PRKG1: variants seen among roughly 807,000 people sequenced by gnomAD.
PRKG1 encodes the protein cGMP-dependent protein kinase 1.
A neutral mutation model predicts 88.1 loss-of-function variants in PRKG1; 35 were observed. The ratio of observed to expected loss-of-function variants is 0.40; its 90% CI spans 0.30 to 0.53. The LOEUF (loss-of-function observed/expected upper bound fraction) is 0.53. Among genes scored for constraint, PRKG1 ranks in the 20% least tolerant of loss-of-function variants. The probability of loss-of-function intolerance (pLI) is 0.59; values close to 1 mark genes in which losing one functional copy is unlikely to be tolerated. For missense variants in PRKG1, 540 were observed against 839.8 expected, an observed-to-expected ratio of 0.64 and a Z score of 4.41; for synonymous variants, 303 against 292.5, an observed-to-expected ratio of 1.04 and a Z score of -0.37.
At position 52,122,035 on chromosome 10, in the gene PRKG1, G is replaced by A. The variant is rs191777664; in HGVS notation, c.936-11805G>A. 3.3e-5 allele frequency among the ~76,000 whole-genome samples: 5 copies of A among 152,318 alleles called. No homozygotes were observed. The East Asian group carries it at 9.6e-4, about 29-fold the overall frequency. ...GTGCAGCTATAACAGAATACCCGAA[G>A]TTGGGGAAACTGTAAAGAACAGAGA... On this transcript the variant is annotated intron_variant, in intron 7 of 17. Transcript: ENST00000373980.
At chr10:51,143,152 C>T (rs1845861628) in intron 1 of PRKG1, among the ~76,000 whole-genome samples, 1 of 152,030 alleles carries the variant, frequency 6.6e-6, no homozygotes, top group Non-Finnish European at 1.5e-5. Flanking sequence ...ACTATCCCAG[C>T]CTTTGGTAAC....
chr10:51,416,260 G>C (rs1170500693), intron 2 of PRKG1, among the ~76,000 whole-genome samples: 2 of 152,046 alleles, frequency 1.3e-5, no homozygotes, highest in East Asian at 3.9e-4. Flanking sequence ...ATTTTATCAT[G>C]GTGAAAATTA....
intron 3 of PRKG1, among the ~76,000 whole-genome samples, chr10:51,733,794 C>T (rs761561325): frequency 1.3e-5 from 2 of 151,976 alleles, no homozygotes; most frequent in Admixed American, 6.6e-5. Context: ...CTGCAATTGT[C>T]GCAATGAATA....
At chr10:51,827,615 A>G (rs10508959) in intron 4 of PRKG1, among the ~76,000 whole-genome samples, 1 of 151,932 alleles carries the variant, frequency 6.6e-6, no homozygotes, top group East Asian at 1.9e-4. Context: ...GGGAACTAAA[A>G]TTGAAGACCT....
chr10:51,155,362 C>A (rs1846180264), intron 2 of PRKG1, among the ~76,000 whole-genome samples: 1 of 151,956 alleles, frequency 6.6e-6, no homozygotes, highest in South Asian at 2.1e-4. Flanking sequence ...CATGCTTTTT[C>A]TAAATATTGT....
chr10:52,018,453 T>C (rs10740409), intron 5 of PRKG1, among the ~76,000 whole-genome samples: 65,291 of 151,998 alleles, frequency 0.43, 14,964 homozygotes, highest in East Asian at 0.6. Context: ...TCCACATAGA[T>C]GTTGTAGATT....
At chr10:51,719,150 A>AG (rs1841955018) in intron 3 of PRKG1, among the ~76,000 whole-genome samples, 2 of 115,878 alleles carry the variant, frequency 1.7e-5, no homozygotes, top group Non-Finnish European at 4.0e-5. Flanking sequence ...ATCCTGTCTC[A>AG]AAAAAAAGAG....
intron 2 of PRKG1, among the ~76,000 whole-genome samples, chr10:51,399,358 T>C (rs1010886108): frequency 6.6e-6 from 1 of 152,174 alleles, no homozygotes; most frequent in Non-Finnish European, 1.5e-5. Flanking sequence ...GAATACAGCA[T>C]GCTGCCTGTC....
chr10:51,809,454 G>T (rs1316326798), intron 4 of PRKG1, among the ~76,000 whole-genome samples: 1 of 152,180 alleles, frequency 6.6e-6, no homozygotes, highest in East Asian at 1.9e-4. Context: ...AACTGCCAGA[G>T]TTAATTTGTG....
intron 3 of PRKG1, among the ~76,000 whole-genome samples, chr10:51,512,194 T>G (rs374742064): frequency 1.9e-4 from 23 of 123,626 alleles, no homozygotes; most frequent in African/African-American, 7.9e-4. Flanking sequence ...TTTTTTTTAG[T>G]TTTTTTTTTT....
chr10:51,036,945 A>T (rs1843360583), intron 1 of PRKG1, among the ~76,000 whole-genome samples: 1 of 152,192 alleles, frequency 6.6e-6, no homozygotes. Flanking sequence ...GAGAGGATGA[A>T]TTCTCTGGTT....
At chr10:51,639,436 C>CAAAAAAAAA (rs769304908) in intron 3 of PRKG1, among the ~76,000 whole-genome samples, 9 of 31,792 alleles carry the variant, frequency 2.8e-4, no homozygotes, top group African/African-American at 1.1e-3. Context: ...GACTCCATCT[C>CAAAAAAAAA]AAAAAAAAAA....
intron 5 of PRKG1, among the ~76,000 whole-genome samples, chr10:51,919,328 G>T (rs1292633270): frequency 1.3e-5 from 2 of 152,108 alleles, no homozygotes; most frequent in Non-Finnish European, 2.9e-5. Context: ...TAGGGAGATG[G>T]CAGTTGTTGT....
intron 1 of PRKG1, among the ~76,000 whole-genome samples, chr10:51,143,979 T>A (rs1845882240): frequency 6.6e-6 from 1 of 152,052 alleles, no homozygotes; most frequent in South Asian, 2.1e-4. Flanking sequence ...TTTGATGTAA[T>A]CATATTTGTC....
chr10:52,191,685 G>A (rs1201257579), intron 9 of PRKG1, among the ~76,000 whole-genome samples: 1 of 152,182 alleles, frequency 6.6e-6, no homozygotes, highest in Non-Finnish European at 1.5e-5. Context: ...GGCCAATAGT[G>A]CTTGGTCATT....
intron 2 of PRKG1, among the ~76,000 whole-genome samples, chr10:51,222,548 T>A (rs1012685197): frequency 6.6e-6 from 1 of 152,192 alleles, no homozygotes; most frequent in Non-Finnish European, 1.5e-5. Context: ...CTTCATTTCT[T>A]TAATAAGGTT....
At position 52,270,709 on chromosome 10, in the gene PRKG1, G is replaced by A. The variant is rs914590234; in HGVS notation, c.1174-641G>A. On this transcript the variant is annotated intron_variant, in intron 10 of 17. Transcript: ENST00000373980. ...CACAGGAAGGGGAACATCACACACTGGGGACTGTTGTGGGGTGGGGGGAGG... is the reference window on the plus strand; with the variant it reads ...CACAGGAAGGGGAACATCACACACTAGGGACTGTTGTGGGGTGGGGGGAGG... Among the ~76,000 whole-genome samples the A allele has an allele frequency of 4.1e-4, 53 of 129,184 alleles. 2 individuals carry two copies. Among genetic ancestry groups the A allele is most frequent in the Middle Eastern group, 0.011 (2 of 178 alleles). The allele number at this position is 129,184 out of a possible 152,430, so 84.7% of individuals were successfully genotyped here. A position where few individuals can be genotyped will look rare whatever the true frequency, so the allele number is the denominator to read the frequency against.
chr10:51,390,406 ACAAT>A (rs1430502959), intron 2 of PRKG1, among the ~76,000 whole-genome samples: 8 of 152,322 alleles, frequency 5.3e-5, no homozygotes, highest in African/African-American at 1.7e-4. Context: ...TTTCAAGGTG[ACAAT>A]CAATATGTTT....
At chr10:51,890,428 T>C (rs183109435) in intron 4 of PRKG1, among the ~76,000 whole-genome samples, 2 of 152,304 alleles carry the variant, frequency 1.3e-5, no homozygotes, top group East Asian at 3.9e-4. Context: ...GTCACTTGAC[T>C]GCAAAAATCT....
Sources: allele counts gnomAD v4.1 joint callset (sites outside exome capture counted in the v4.1 genomes callset), GRCh38; gene constraint gnomAD v4.1.1; transcripts MANE v1.5; gene names NCBI Gene and HGNC (gene_info 2026-07-23, HGNC 2026-07-21).